ZFYVE28: variants seen among roughly 807,000 people sequenced by gnomAD.
The protein encoded by ZFYVE28 is zinc finger FYVE-type containing 28.
Under a neutral mutation model 82.1 loss-of-function variants are expected in ZFYVE28, and 40 were observed. That is an observed-to-expected ratio of 0.49 (90% CI 0.38 to 0.63). ZFYVE28 has a LOEUF of 0.63. ZFYVE28 is among the 30% of genes least tolerant of loss of function. The pLI is 0.00. For missense variants in ZFYVE28, 1,321 were observed against 1,242.1 expected, an observed-to-expected ratio of 1.06 and a Z score of -0.96; for synonymous variants, 612 against 546.1, an observed-to-expected ratio of 1.12 and a Z score of -1.68.
In ZFYVE28 at chr4:2,320,308, T is replaced by C. The variant is rs1269938351; in HGVS notation, c.702-37A>G. 6.3e-7 allele frequency: 1 copy of C among 1,587,882 alleles called. No homozygotes were observed. Among genetic ancestry groups the C allele is most frequent in the Non-Finnish European group, 8.6e-7 (1 of 1,161,830 alleles). On this transcript the variant is annotated intron_variant, in intron 6 of 12. Coordinates refer to ENST00000290974, the MANE Select transcript of ZFYVE28 (RefSeq NM_020972.3). This position sits in a 1 kb window ranked among gnomAD's most constrained non-coding sequence, Gnocchi z 5.1. ...ACACAAAAGCCAGGATGTCAGGCCCTGTGGCCCCCTGGGTGCCGCGGACGG... is the reference window on the plus strand; with the variant it reads ...ACACAAAAGCCAGGATGTCAGGCCCCGTGGCCCCCTGGGTGCCGCGGACGG...
At position 2,274,128 on chromosome 4, in the gene ZFYVE28, C is replaced by G; in HGVS notation, c.2140G>C (p.Glu714Gln). Residue 714 changes from glutamate (E) to glutamine (Q), a missense_variant, in exon 9 of 13, where the codon GAG (glutamate) becomes CAG (glutamine). Glu to Gln is a conservative substitution (Grantham distance 29, BLOSUM62 2). Coordinates refer to ENST00000290974, the MANE Select transcript of ZFYVE28 (RefSeq NM_020972.3). ...CCGTGGAACCTGGACCGGATCTTCT[C>G]TCTTGTGGCCTGTGGGGCAGCATGC... ...ATHAAPQATR[E>Q]KIRSRFHGSH... The G allele has an allele frequency of 1.2e-6, 2 of 1,613,622 alleles. No individual in the cohort carries two copies. The highest frequency in any genetic ancestry group is 1.7e-6 in the Non-Finnish European group (2 of 1,179,668).
In ZFYVE28 at chr4:2,271,661, A is replaced by G; in HGVS notation, c.2428+14T>C. ...TGTCTAGTGCAGTGTCCTGACCCAG[A>G]GCCTCCCACACACCTTCAAAGTCCC... On this transcript the variant is annotated intron_variant, in intron 11 of 12. Coordinates refer to ENST00000290974, the MANE Select transcript of ZFYVE28 (RefSeq NM_020972.3). 1.2e-6 allele frequency: 2 copies of G among 1,612,654 alleles called. No individual in the cohort carries two copies. Among genetic ancestry groups the G allele is most frequent in the African/African-American group, 1.3e-5 (1 of 75,000 alleles).
chr4:2,337,888 A>ACACACACACACACACC (rs1390610932), intron 4 of ZFYVE28, among the ~76,000 whole-genome samples: 21 of 151,348 alleles, frequency 1.4e-4, no homozygotes, highest in South Asian at 4.2e-4. Context: ...ACACACACAC[A>ACACACACACACACACC]CCCTACACCA....
intron 7 of ZFYVE28, among the ~76,000 whole-genome samples, chr4:2,318,306 C>T (rs1394682094): frequency 6.6e-6 from 1 of 152,170 alleles, no homozygotes; most frequent in Non-Finnish European, 1.5e-5. Context: ...GCCTGTAATC[C>T]CAGCACTTTG....
At chr4:2,307,349 A>G (rs1369993308) in intron 7 of ZFYVE28, among the ~76,000 whole-genome samples, 1 of 152,074 alleles carries the variant, frequency 6.6e-6, no homozygotes, top group African/African-American at 2.4e-5. Context: ...CATTCTCTTA[A>G]TGGTGCTTTT....
intron 4 of ZFYVE28, among the ~76,000 whole-genome samples, chr4:2,338,971 G>A (rs889370480): frequency 3.5e-5 from 5 of 144,798 alleles, no homozygotes; most frequent in Non-Finnish European, 7.6e-5. Context: ...CACCAGGCCC[G>A]GCTAATTTTT....
chr4:2,356,969 T>C (rs552177455), intron 1 of ZFYVE28, among the ~76,000 whole-genome samples: 1 of 152,292 alleles, frequency 6.6e-6, no homozygotes, highest in South Asian at 2.1e-4. Flanking sequence ...CTCAGCTCAC[T>C]GCAACCTCCA....
chr4:2,397,288 C>T (rs1451919399), intron 1 of ZFYVE28, among the ~76,000 whole-genome samples: 1 of 152,010 alleles, frequency 6.6e-6, no homozygotes, highest in African/African-American at 2.4e-5. Context: ...ACCAGCCTGG[C>T]CAACATGGTG....
chr4:2,364,621 C>T (rs978695744), intron 1 of ZFYVE28: 48 of 985,376 alleles, frequency 4.9e-5, no homozygotes, highest in Non-Finnish European at 5.4e-5. Context: ...CCGCCTGTCC[C>T]CTCTGATTAG....
At chr4:2,296,583 G>C (rs540164562) in intron 8 of ZFYVE28, among the ~76,000 whole-genome samples, 1 of 152,056 alleles carries the variant, frequency 6.6e-6, no homozygotes, top group Non-Finnish European at 1.5e-5. Flanking sequence ...GGAAGGTCTC[G>C]GTGTTCCCTG....
intron 6 of ZFYVE28, chr4:2,330,459 A>C: frequency 9.3e-7 from 1 of 1,071,302 alleles, no homozygotes; most frequent in Non-Finnish European, 1.1e-6. Flanking sequence ...GGAGGAGGGA[A>C]CATCATAAAG....
At chr4:2,326,807 T>G (rs1033698341) in intron 6 of ZFYVE28, among the ~76,000 whole-genome samples, 7 of 152,240 alleles carry the variant, frequency 4.6e-5, no homozygotes, top group African/African-American at 1.7e-4. Flanking sequence ...ATGAGATTAT[T>G]CTCTTGATTT....
chr4:2,282,316 T>TAAACAGTCACATCAATACCAA (rs1712070974), intron 8 of ZFYVE28, among the ~76,000 whole-genome samples: 1 of 152,242 alleles, frequency 6.6e-6, no homozygotes, highest in Non-Finnish European at 1.5e-5. Context: ...AGTGCAATTC[T>TAAACAGTCACATCAATACCAA]AAACAGTCAC....
At chr4:2,364,953 C>T in intron 1 of ZFYVE28, 1 of 971,450 alleles carries the variant, frequency 1.0e-6, no homozygotes. Flanking sequence ...GGCGCAGCCT[C>T]AGCCACAGAG....
At chr4:2,271,538 C>T (rs541167074) in intron 11 of ZFYVE28, 124 bp from the exon 12 acceptor site, 102 of 1,413,198 alleles carry the variant, frequency 7.2e-5, no homozygotes, top group South Asian at 2.3e-4. Context: ...AGCCAGCCTC[C>T]GGGGGGGCGG....
chr4:2,361,764 G>A (rs1310906263), intron 1 of ZFYVE28, among the ~76,000 whole-genome samples: 1 of 152,130 alleles, frequency 6.6e-6, no homozygotes, highest in Non-Finnish European at 1.5e-5. Flanking sequence ...GGGGGTAAGG[G>A]CCCAGGACTG....
rs550247353 is a variant in ZFYVE28, at chr4:2,400,190, C to G, written c.39+18095G>C. Among the ~76,000 whole-genome samples the G allele has an allele frequency of 1.1e-4, 16 of 152,344 alleles. No homozygotes were observed. The South Asian group carries it at 2.9e-3, about 28-fold the overall frequency. On this transcript the variant is annotated intron_variant, in intron 1 of 12. Transcript: ENST00000290974. ...AGGAACACATTTTTTTACTTGACCG[C>G]ACTTAATTCATCTACATGAAAGGTC...
intron 12 of ZFYVE28, 61 bp from the exon 13 acceptor site, chr4:2,270,917 T>C: frequency 6.4e-7 from 1 of 1,562,968 alleles, no homozygotes; most frequent in Non-Finnish European, 8.7e-7. Context: ...CCCTGGCTCC[T>C]CGCCCTCCCA....
intron 8 of ZFYVE28, among the ~76,000 whole-genome samples, chr4:2,288,502 G>A (rs912830613): frequency 3.3e-5 from 5 of 152,232 alleles, no homozygotes; most frequent in African/African-American, 4.8e-5. Context: ...GGAGACCCCC[G>A]AGGGGACCTG....
Sources: gnomAD v4.1 joint callset for allele counts (sites outside exome capture counted in the v4.1 genomes callset) on GRCh38, gnomAD v4.1.1 for gene constraint, Gnocchi (gnomAD v3.1) non-coding constraint, MANE v1.5 for transcripts, NCBI Gene and HGNC (gene_info 2026-07-23, HGNC 2026-07-21) for gene names.